Variants in MGMT observed in about 807,000 individuals in gnomAD.
MGMT encodes O-6-methylguanine-DNA methyltransferase.
Under a neutral mutation model 15.9 loss-of-function variants are expected in MGMT, and 14 were observed. The ratio of observed to expected loss-of-function variants is 0.88; its 90% CI spans 0.58 to 1.37. MGMT has a LOEUF of 1.37. Among genes scored for constraint, MGMT ranks in the 40% most tolerant of loss-of-function variants. MGMT has a pLI of 0.00. For synonymous variants in MGMT, 130 were observed against 118.2 expected (o/e 1.10, Z -0.65); for missense variants, 282 against 268.1 (o/e 1.05, Z -0.36).
Position 129,547,643 on chromosome 10 carries a change from A to T in MGMT, c.125+11266A>T, listed in dbSNP as rs117884227. 4.6e-5 allele frequency among the ~76,000 whole-genome samples: 7 copies of T among 152,272 alleles called. No homozygotes were observed. The East Asian group carries it at 1.3e-3, about 29-fold the overall frequency. ...TGATGGAATCCACATTACTGCTTTC[A>T]AAGCTGCTTTTCCTGTGCCTTCTTC... On this transcript the variant is annotated intron_variant, in intron 2 of 4. Transcript: ENST00000651593.
intron 3 of MGMT, among the ~76,000 whole-genome samples, chr10:129,748,152 G>A (rs1397912524): frequency 2.0e-5 from 3 of 152,212 alleles, no homozygotes; most frequent in African/African-American, 7.2e-5. Context: ...TACGCTCCTT[G>A]AAGACAGAGT....
chr10:129,677,616 C>T (rs1847800350), intron 2 of MGMT, among the ~76,000 whole-genome samples: 1 of 152,210 alleles, frequency 6.6e-6, no homozygotes, highest in East Asian at 1.9e-4. Flanking sequence ...ACCATGTCCC[C>T]ACCTGACAGG....
intron 2 of MGMT, among the ~76,000 whole-genome samples, chr10:129,573,786 A>AT (rs1392892543): frequency 3.9e-5 from 6 of 151,932 alleles, no homozygotes; most frequent in Non-Finnish European, 5.9e-5. Flanking sequence ...CCTTGACCAT[A>AT]TTTTTTTTGG....
intron 2 of MGMT, among the ~76,000 whole-genome samples, chr10:129,551,254 C>T (rs551620658): frequency 8.5e-5 from 13 of 152,314 alleles, no homozygotes; most frequent in African/African-American, 2.9e-4. Flanking sequence ...ACTGTTTTTA[C>T]ATTAATGAGC....
chr10:129,734,362 G>T (rs1050552730), intron 3 of MGMT, among the ~76,000 whole-genome samples: 57 of 143,304 alleles, frequency 4.0e-4, no homozygotes, highest in African/African-American at 1.4e-3. Flanking sequence ...CTCTCTGTTT[G>T]TCTGTTATTG....
chr10:129,590,241 T>C (rs1190063508), intron 2 of MGMT, among the ~76,000 whole-genome samples: 1 of 152,226 alleles, frequency 6.6e-6, no homozygotes, highest in African/African-American at 2.4e-5. Context: ...TAATATATCT[T>C]ATAAAATACG....
intron 2 of MGMT, among the ~76,000 whole-genome samples, chr10:129,585,063 T>TACCCATTTGAAA (rs1209784566): frequency 2.0e-5 from 3 of 152,230 alleles, no homozygotes; most frequent in Non-Finnish European, 4.4e-5. Flanking sequence ...GGTTTTCTAA[T>TACCCATTTGAAA]ACAGCTGCCC....
intron 3 of MGMT, among the ~76,000 whole-genome samples, chr10:129,722,234 T>C (rs968774275): frequency 6.6e-6 from 1 of 152,160 alleles, no homozygotes; most frequent in African/African-American, 2.4e-5. Context: ...ATAAAATGTA[T>C]TCTATTTTTA....
At chr10:129,716,628 C>T (rs576483176) in intron 3 of MGMT, among the ~76,000 whole-genome samples, 1 of 152,332 alleles carries the variant, frequency 6.6e-6, no homozygotes, top group African/African-American at 2.4e-5. Context: ...GCGTCTCTTC[C>T]TCTTTTCAGA....
intron 3 of MGMT, among the ~76,000 whole-genome samples, chr10:129,725,448 C>CA (rs1363955505): frequency 6.6e-6 from 1 of 152,254 alleles, no homozygotes. Context: ...CTAATATTTC[C>CA]ACAGCCTGCT....
intron 2 of MGMT, among the ~76,000 whole-genome samples, chr10:129,561,983 C>A (rs532601598): frequency 6.6e-6 from 1 of 152,030 alleles, no homozygotes; most frequent in Non-Finnish European, 1.5e-5. Flanking sequence ...GACCCTCGAA[C>A]GAAATTTAAA....
chr10:129,750,895 TG>T (rs2133179219), intron 3 of MGMT, among the ~76,000 whole-genome samples: 1 of 152,282 alleles, frequency 6.6e-6, no homozygotes, highest in Non-Finnish European at 1.5e-5. Flanking sequence ...CTTGCTTTCC[TG>T]GGACAAACCC....
intron 2 of MGMT, among the ~76,000 whole-genome samples, chr10:129,562,661 G>A (rs911880014): frequency 6.6e-6 from 1 of 152,156 alleles, no homozygotes; most frequent in Non-Finnish European, 1.5e-5. Context: ...CTGGCCAGGG[G>A]AGGGGATATG....
intron 1 of MGMT, among the ~76,000 whole-genome samples, chr10:129,526,119 G>C (rs945098794): frequency 8.5e-5 from 13 of 152,226 alleles, no homozygotes; most frequent in Non-Finnish European, 1.6e-4. Flanking sequence ...GACCACGGGT[G>C]GGGTCTCAGC....
At chr10:129,746,469 A>G (rs945442939) in intron 3 of MGMT, among the ~76,000 whole-genome samples, 1 of 151,466 alleles carries the variant, frequency 6.6e-6, no homozygotes, top group African/African-American at 2.4e-5. Flanking sequence ...AATCTATGAT[A>G]TATTTTGAGT....
At chr10:129,495,917 C>T (rs914336355) in intron 1 of MGMT, among the ~76,000 whole-genome samples, 5 of 152,300 alleles carry the variant, frequency 3.3e-5, no homozygotes, top group African/African-American at 4.8e-5. Context: ...TCCTCCCCAG[C>T]GTCCAGCAGG....
intron 3 of MGMT, among the ~76,000 whole-genome samples, chr10:129,727,954 A>G (rs1443998752): frequency 6.6e-6 from 1 of 152,184 alleles, no homozygotes; most frequent in African/African-American, 2.4e-5. Flanking sequence ...ACAGCAAGCA[A>G]TCCCTTCTGG....
At chr10:129,550,951 T>C (rs1469145030) in intron 2 of MGMT, among the ~76,000 whole-genome samples, 1 of 152,150 alleles carries the variant, frequency 6.6e-6, no homozygotes, top group Non-Finnish European at 1.5e-5. Flanking sequence ...TTGGTAGTGC[T>C]GTTTCGGCCT....
chr10:129,737,733 G>A (rs1848580691), intron 3 of MGMT, among the ~76,000 whole-genome samples: 1 of 152,106 alleles, frequency 6.6e-6, no homozygotes, highest in Non-Finnish European at 1.5e-5. Flanking sequence ...TGGGTTTTTG[G>A]TGTGGATGTC....
Sources: allele counts gnomAD v4.1 joint callset (sites outside exome capture counted in the v4.1 genomes callset), GRCh38; gene constraint gnomAD v4.1.1; transcripts MANE v1.5; gene names NCBI Gene and HGNC (gene_info 2026-07-23, HGNC 2026-07-21).